SNTB1: variants seen among roughly 807,000 people sequenced by gnomAD.
SNTB1 encodes beta-1-syntrophin.
Under a neutral mutation model 48.9 loss-of-function variants are expected in SNTB1, and 36 were observed. The observed-to-expected ratio is 0.74, with a 90% confidence interval of 0.56 to 0.97. The LOEUF is 0.97. Ranked by LOEUF, SNTB1 falls within the 50% of genes least tolerant of loss-of-function variation. SNTB1 has a pLI of 0.00. For synonymous variants in SNTB1, 299 were observed against 294.6 expected, an observed-to-expected ratio of 1.01 and a Z score of -0.15; for missense variants, 786 against 703.4, an observed-to-expected ratio of 1.12 and a Z score of -1.33.
At chr8:120,569,765 G>A (rs565571498) in intron 4 of SNTB1, among the ~76,000 whole-genome samples, 3 of 152,326 alleles carry the variant, frequency 2.0e-5, no homozygotes, top group African/African-American at 7.2e-5. Flanking sequence ...CTAGCCACAG[G>A]TGGCTATTGG....
At chr8:120,604,308 T>C (rs879888326) in intron 3 of SNTB1, among the ~76,000 whole-genome samples, 5 of 152,194 alleles carry the variant, frequency 3.3e-5, no homozygotes, top group Non-Finnish European at 7.3e-5. Flanking sequence ...GGTGGTGCTC[T>C]GAATACCTGA....
intron 4 of SNTB1, among the ~76,000 whole-genome samples, chr8:120,564,516 T>C (rs1563818413): frequency 6.9e-6 from 1 of 143,960 alleles, no homozygotes; most frequent in African/African-American, 2.5e-5. Flanking sequence ...AATACATTCA[T>C]CATATTTTAA....
chr8:120,614,661 C>A (rs536351037), intron 3 of SNTB1, among the ~76,000 whole-genome samples: 1 of 152,198 alleles, frequency 6.6e-6, no homozygotes, highest in South Asian at 2.1e-4. Flanking sequence ...TCAGTTTCCC[C>A]TTGGTAATAA....
chr8:120,756,407 T>C (rs1274597670), intron 1 of SNTB1, among the ~76,000 whole-genome samples: 1 of 152,082 alleles, frequency 6.6e-6, no homozygotes, highest in Non-Finnish European at 1.5e-5. Flanking sequence ...TTTAGTTTGA[T>C]GCAGGACACT....
intron 1 of SNTB1, among the ~76,000 whole-genome samples, chr8:120,755,665 G>A (rs1047939118): frequency 6.6e-6 from 1 of 152,094 alleles, no homozygotes; most frequent in Non-Finnish European, 1.5e-5. Context: ...TAGTAGTGGT[G>A]GTGGTGGTAG....
chr8:120,784,586 A>G (rs1819890343), intron 1 of SNTB1, among the ~76,000 whole-genome samples: 1 of 152,098 alleles, frequency 6.6e-6, no homozygotes, highest in Non-Finnish European at 1.5e-5. Flanking sequence ...CACTAATCAG[A>G]TCCCTTCTCT....
chr8:120,754,098 A>G (rs1371464358), intron 1 of SNTB1, among the ~76,000 whole-genome samples: 1 of 152,182 alleles, frequency 6.6e-6, no homozygotes, highest in Non-Finnish European at 1.5e-5. Flanking sequence ...ATAGTAACTC[A>G]CTTTCTATTT....
chr8:120,632,446 T>G lies in SNTB1; in HGVS notation c.994A>C (p.Lys332Gln), dbSNP rs1816998640. Residue 332 changes from lysine (K) to glutamine (Q), a missense_variant and splice_region_variant, in exon 3 of 7, where the codon AAG becomes CAG. Transcript: ENST00000517992. The part of the protein sequence containing the change: ...EIRHLGWLAE[K>Q]VPGESKKQWK... ...ACAGAGGAAGGTATTTTCCTTACCT[T>G]TTCTGCAAGCCAGCCAAGATGCCTA... is the stretch of plus-strand genomic sequence containing the variant. 1 of 1,613,716 alleles carries G rather than the reference T, an allele frequency of 6.2e-7. No individual in the cohort carries two copies. Among genetic ancestry groups the G allele is most frequent in the Admixed American group, 1.7e-5 (1 of 59,986 alleles).
intron 5 of SNTB1, chr8:120,542,268 A>G (rs1815301239): frequency 3.0e-6 from 1 of 336,868 alleles, no homozygotes; most frequent in African/African-American, 2.1e-5. Context: ...TCTAGTCCTT[A>G]TCCAGCCATC....
chr8:120,789,595 T>C (rs1819989028), intron 1 of SNTB1, among the ~76,000 whole-genome samples: 2 of 151,988 alleles, frequency 1.3e-5, no homozygotes, highest in East Asian at 1.9e-4. Context: ...CTGAGACTAC[T>C]ATGAACACCT....
intron 3 of SNTB1, among the ~76,000 whole-genome samples, chr8:120,630,131 T>C (rs1291368234): frequency 6.6e-6 from 1 of 152,238 alleles, no homozygotes; most frequent in Non-Finnish European, 1.5e-5. Context: ...CCAGCCTCCC[T>C]TTGCCCCTTC....
At chr8:120,558,649 A>G (rs897599619) in intron 4 of SNTB1, among the ~76,000 whole-genome samples, 1 of 152,220 alleles carries the variant, frequency 6.6e-6, no homozygotes, top group Non-Finnish European at 1.5e-5. Flanking sequence ...AAATTCAGAT[A>G]CCTGGATTCA....
intron 1 of SNTB1, among the ~76,000 whole-genome samples, chr8:120,766,700 A>T (rs1374414308): frequency 6.6e-6 from 1 of 152,212 alleles, no homozygotes; most frequent in Non-Finnish European, 1.5e-5. Context: ...TAGCGCTATA[A>T]TTGGCTAGAA....
chr8:120,781,371 A>AT (rs201988500), intron 1 of SNTB1, among the ~76,000 whole-genome samples: 108 of 151,418 alleles, frequency 7.1e-4, no homozygotes, highest in Middle Eastern at 3.4e-3. Context: ...GTATTTTGCC[A>AT]TTTTTTTTTA....
intron 1 of SNTB1, among the ~76,000 whole-genome samples, chr8:120,741,090 A>G (rs1372001898): frequency 6.6e-6 from 1 of 152,208 alleles, no homozygotes; most frequent in Non-Finnish European, 1.5e-5. Flanking sequence ...GTTTGCACAG[A>G]AGGATGCATC....
At chr8:120,792,460 A>G (rs1426468029) in intron 1 of SNTB1, among the ~76,000 whole-genome samples, 1 of 151,946 alleles carries the variant, frequency 6.6e-6, no homozygotes, top group Non-Finnish European at 1.5e-5. Flanking sequence ...AAATTCATCC[A>G]TATAACAAAA....
intron 1 of SNTB1, among the ~76,000 whole-genome samples, chr8:120,712,002 C>T (rs1587107621): frequency 6.6e-6 from 1 of 152,142 alleles, no homozygotes; most frequent in Non-Finnish European, 1.5e-5. Flanking sequence ...TGCTTCCTTC[C>T]AAGTTTGCAA....
intron 3 of SNTB1, among the ~76,000 whole-genome samples, chr8:120,603,309 A>G (rs1250436634): frequency 6.6e-6 from 1 of 152,174 alleles, no homozygotes; most frequent in Admixed American, 6.5e-5. Flanking sequence ...CATATTGGTC[A>G]GGCTGGTCTC....
chr8:120,664,143 GA>G (rs1817637324), intron 2 of SNTB1, among the ~76,000 whole-genome samples: 1 of 152,174 alleles, frequency 6.6e-6, no homozygotes, highest in South Asian at 2.1e-4. Context: ...TACAAGGAAG[GA>G]AAGCCATGAT....
Sources: gnomAD v4.1 joint callset for allele counts (sites outside exome capture counted in the v4.1 genomes callset) on GRCh38, gnomAD v4.1.1 for gene constraint, MANE v1.5 for transcripts, NCBI Gene and HGNC (gene_info 2026-07-23, HGNC 2026-07-21) for gene names.